CDH23: variants seen among roughly 807,000 people sequenced by gnomAD.
The protein encoded by CDH23 is cadherin-23.
Under a neutral mutation model 317.1 loss-of-function variants are expected in CDH23, and 189 were observed. The observed-to-expected ratio is 0.60, with a 90% confidence interval of 0.53 to 0.67. CDH23 has a LOEUF of 0.67. Ranked by LOEUF, CDH23 falls within the 30% of genes least tolerant of loss-of-function variation. CDH23 has a pLI of 0.00. For missense variants in CDH23, 4,401 were observed against 4,592.4 expected (o/e 0.96, Z 1.20); for synonymous variants, 1,839 against 1,876.8 (o/e 0.98, Z 0.52).
chr10:71,572,478 G>A (rs529033296), intron 8 of CDH23, among the ~76,000 whole-genome samples: 1 of 152,326 alleles, frequency 6.6e-6, no homozygotes, highest in South Asian at 2.1e-4. Context: ...GTTCAGCAGG[G>A]ACAGGGTCTG....
At chr10:71,513,480 C>G (rs1854109231) in intron 6 of CDH23, among the ~76,000 whole-genome samples, 1 of 152,154 alleles carries the variant, frequency 6.6e-6, no homozygotes, top group Non-Finnish European at 1.5e-5. Context: ...GATTCAGCAG[C>G]AAAGGGCCCT....
rs575981412 is a variant in CDH23, at chr10:71,812,109, G to A, written c.9380+94G>A. 2.3e-4 allele frequency: 366 copies of A among 1,607,402 alleles called. 3 individuals carry two copies. The Admixed American group carries it at 5.8e-3, about 26-fold the overall frequency. On this transcript the variant is annotated intron_variant, in intron 66 of 69. Coordinates refer to ENST00000224721, the MANE Select transcript of CDH23 (RefSeq NM_022124.6). ...GCAGTCTCCCAGCGCTGGGGCTGCC[G>A]AAACCCAGGCTGTGGGCGCCCCCTG...
chr10:71,736,124 C>T (rs1366782506), intron 34 of CDH23, among the ~76,000 whole-genome samples: 4 of 152,224 alleles, frequency 2.6e-5, no homozygotes, highest in South Asian at 2.1e-4. Context: ...TTCCTCAGCA[C>T]GGCTGTTGAG....
At chr10:71,441,432 C>T (rs1849874329) in intron 2 of CDH23, among the ~76,000 whole-genome samples, 1 of 152,142 alleles carries the variant, frequency 6.6e-6, no homozygotes, top group South Asian at 2.1e-4. Flanking sequence ...AAAAGAAATA[C>T]ATTTGGCCCG....
chr10:71,547,641 G>A (rs1481143533), intron 6 of CDH23, among the ~76,000 whole-genome samples: 3 of 152,204 alleles, frequency 2.0e-5, no homozygotes, highest in African/African-American at 7.2e-5. Flanking sequence ...GCCGGTCCCC[G>A]CAGGGGTGGT....
At chr10:71,536,500 C>T (rs909420680) in intron 6 of CDH23, among the ~76,000 whole-genome samples, 4 of 152,056 alleles carry the variant, frequency 2.6e-5, no homozygotes, top group Non-Finnish European at 5.9e-5. Context: ...TTTAGAGTGA[C>T]GGCATGACAC....
chr10:71,734,366 C>T (rs748445802), intron 33 of CDH23, 25 bp downstream of exon 33: 19 of 1,584,900 alleles, frequency 1.2e-5, no homozygotes, highest in Non-Finnish European at 1.6e-5. Flanking sequence ...GGTGAGAGTC[C>T]CTCAGGTGCG....
At chr10:71,746,353 C>T (rs1839852242) in intron 38 of CDH23, among the ~76,000 whole-genome samples, 1 of 149,246 alleles carries the variant, frequency 6.7e-6, no homozygotes, top group Admixed American at 6.6e-5. Flanking sequence ...AGACCCTCGT[C>T]CCCCCAGGTT....
chr10:71,437,363 G>A (rs1849666628), intron 1 of CDH23, among the ~76,000 whole-genome samples: 1 of 152,174 alleles, frequency 6.6e-6, no homozygotes, highest in Admixed American at 6.5e-5. Context: ...CAGGAACCTG[G>A]AAACATCCAA....
intron 7 of CDH23, among the ~76,000 whole-genome samples, chr10:71,568,690 G>A (rs1857556327): frequency 6.6e-6 from 1 of 152,298 alleles, no homozygotes; most frequent in African/African-American, 2.4e-5. Context: ...ACTTCCCCAA[G>A]GAAGGAGATT....
chr10:71,593,367 A>T (rs1380653189), intron 9 of CDH23, among the ~76,000 whole-genome samples: 1 of 152,228 alleles, frequency 6.6e-6, no homozygotes, highest in African/African-American at 2.4e-5. Flanking sequence ...AACGTAAAAT[A>T]TAAAGCTCAT....
intron 16 of CDH23, among the ~76,000 whole-genome samples, 162 bp downstream of exon 16, chr10:71,677,855 T>C (rs1210473765): frequency 6.6e-6 from 1 of 152,076 alleles, no homozygotes; most frequent in Non-Finnish European, 1.5e-5. Context: ...GGCCCCAAAC[T>C]CCTGGGCTCA....
intron 9 of CDH23, among the ~76,000 whole-genome samples, chr10:71,591,695 G>A (rs1859503713): frequency 6.6e-6 from 1 of 152,202 alleles, no homozygotes; most frequent in Admixed American, 6.5e-5. Flanking sequence ...CATGACTGAA[G>A]ATCAGGCAAT....
Position 71,814,823 on chromosome 10 carries a change from CAG to C in CDH23, c.9739-126_9739-125del, listed in dbSNP as rs147045390. 1.7e-3 allele frequency: 1,807 copies of C among 1,089,782 alleles called. 23 individuals are homozygous for C. In the African/African-American group the frequency reaches 0.026, roughly 16 times the overall value. 67.5% of individuals were successfully genotyped at this position (1,089,782 alleles called of 1,614,324 possible). ...TCCCCTTTGCAGGCAGTTTGAGAAA[CAG>C]AGTCTGACAGGCCTGCTGCGGTAGG... On this transcript the variant is annotated intron_variant, in intron 69 of 69. Coordinates refer to ENST00000224721, the MANE Select transcript of CDH23 (RefSeq NM_022124.6).
intron 9 of CDH23, among the ~76,000 whole-genome samples, chr10:71,596,085 C>T (rs941549219): frequency 6.6e-6 from 1 of 152,030 alleles, no homozygotes; most frequent in Non-Finnish European, 1.5e-5. Flanking sequence ...CGCCTTCTGC[C>T]TGGCCCTGCT....
At chr10:71,497,486 G>C (rs1210759719) in intron 3 of CDH23, among the ~76,000 whole-genome samples, 2 of 137,082 alleles carry the variant, frequency 1.5e-5, no homozygotes, top group Non-Finnish European at 3.2e-5. Context: ...TTCATGCTCA[G>C]GCTGCTATTT....
intron 38 of CDH23, among the ~76,000 whole-genome samples, chr10:71,775,409 G>A (rs1397313973): frequency 2.0e-5 from 3 of 152,124 alleles, no homozygotes; most frequent in African/African-American, 4.8e-5. Context: ...CTTCCCCAGG[G>A]GGATAGAGCC....
chr10:71,659,779 C>T (rs1174701149), intron 14 of CDH23, among the ~76,000 whole-genome samples: 3 of 152,102 alleles, frequency 2.0e-5, no homozygotes, highest in Admixed American at 1.3e-4. Context: ...TAAGTTTGAA[C>T]CTCTCTAGAA....
chr10:71,632,398 G>A (rs2132555878), intron 11 of CDH23, among the ~76,000 whole-genome samples: 1 of 152,338 alleles, frequency 6.6e-6, no homozygotes. Context: ...TGGTCCTTGA[G>A]CATAAGTGAT....
Sources: allele counts gnomAD v4.1 joint callset (sites outside exome capture counted in the v4.1 genomes callset), GRCh38; gene constraint gnomAD v4.1.1; transcripts MANE v1.5; gene names NCBI Gene and HGNC (gene_info 2026-07-23, HGNC 2026-07-21).